Variants in CNPY3 observed in about 807,000 individuals in gnomAD.
CNPY3 encodes protein canopy homolog 3.
CNPY3 carries 20 observed loss-of-function variants against 32.0 expected under a neutral mutation model. The observed-to-expected ratio is 0.63, with a 90% confidence interval of 0.44 to 0.91. CNPY3 has a LOEUF of 0.91. CNPY3 is among the 40% of genes least tolerant of loss of function. The pLI is 0.00. For synonymous variants in CNPY3, 138 were observed against 142.9 expected (o/e 0.97, Z 0.24); for missense variants, 299 against 340.8 (o/e 0.88, Z 0.97).
At chr6:42,937,583 A>G (rs1310300433) in intron 3 of CNPY3, 134 bp from the exon 4 acceptor site, 5 of 633,146 alleles carry the variant, frequency 7.9e-6, no homozygotes, top group African/African-American at 3.8e-5. Flanking sequence ...ACTCCTTCTC[A>G]AAAAAAAAAG....
chr6:42,936,710 G>A (rs548625805), intron 3 of CNPY3, among the ~76,000 whole-genome samples: 23 of 152,126 alleles, frequency 1.5e-4, no homozygotes, highest in Middle Eastern at 6.8e-3. Context: ...TAATTTTTGT[G>A]TTTTTTAGTA....
chr6:42,935,513 A>G (rs1768153382), intron 2 of CNPY3, 61 bp from the exon 3 acceptor site: 2 of 1,569,340 alleles, frequency 1.3e-6, no homozygotes, highest in Non-Finnish European at 1.7e-6. Flanking sequence ...CTGGAGGGAC[A>G]GACCACTAAC....
upstream of CNPY3, chr6:42,929,400 C>A: frequency 1.4e-6 from 1 of 715,508 alleles, no homozygotes; most frequent in Non-Finnish European, 2.2e-6. Context: ...GGCCTTGGTC[C>A]GCTTTGAAGG....
chr6:42,936,117 T>C (rs147760926), intron 3 of CNPY3, among the ~76,000 whole-genome samples: 1 of 152,294 alleles, frequency 6.6e-6, no homozygotes, highest in African/African-American at 2.4e-5. Flanking sequence ...ATGTACTCAG[T>C]ATGTGTACGA....
intron 1 of CNPY3, 63 bp from the exon 2 acceptor site, chr6:42,934,412 T>C (rs1768063402): frequency 4.4e-6 from 7 of 1,602,872 alleles, no homozygotes; most frequent in Non-Finnish European, 6.0e-6. Flanking sequence ...TCTGTTTTGC[T>C]GGGAGCTGGC....
At chr6:42,928,629 C>T (rs763585467), upstream of CNPY3, among the ~76,000 whole-genome samples, 6 of 152,132 alleles carry the variant, frequency 3.9e-5, no homozygotes, top group Non-Finnish European at 8.8e-5. Context: ...TCTCCTTGTG[C>T]CAGGCACCCT....
At chr6:42,937,464 C>T (rs780191309) in intron 3 of CNPY3, among the ~76,000 whole-genome samples, 43 of 152,136 alleles carry the variant, frequency 2.8e-4, no homozygotes, top group African/African-American at 7.9e-4. Context: ...TATGGTGGCA[C>T]GCCTTTGTAG....
intron 3 of CNPY3, 94 bp downstream of exon 3, chr6:42,935,764 C>G: frequency 3.0e-6 from 4 of 1,348,464 alleles, no homozygotes; most frequent in Non-Finnish European, 4.1e-6. Flanking sequence ...AAGATGACCA[C>G]CTGGGATCTT....
chr6:42,934,519 A>G lies in CNPY3; in HGVS notation c.196A>G (p.Thr66Ala), dbSNP rs1364763897. 6.2e-7 allele frequency: 1 copy of G among 1,613,978 alleles called. No homozygotes were observed. Among genetic ancestry groups the G allele is most frequent in the East Asian group, 2.2e-5 (1 of 44,882 alleles). Residue 66 changes from threonine to alanine, a missense_variant, in exon 2 of 6, where the codon ACC (threonine) becomes GCC (alanine). By Grantham distance (58) the Thr-to-Ala change is moderately conservative. Coordinates refer to ENST00000372836, the MANE Select transcript of CNPY3 (RefSeq NM_006586.5). ...AVELKSAFEE[T>A]GKTKEVIGTG... ...GGAGCTGAAGTCAGCCTTTGAGGAA[A>G]CCGGCAAGACCAAGGAGGTGATTGG... is the stretch of plus-strand genomic sequence containing the variant.
At chr6:42,935,164 G>A (rs556987227) in intron 2 of CNPY3, among the ~76,000 whole-genome samples, 19 of 152,162 alleles carry the variant, frequency 1.2e-4, no homozygotes, top group Admixed American at 2.0e-4. Context: ...CACCACACCC[G>A]GCCACAGTGC....
upstream of CNPY3, chr6:42,929,095 C>G (rs1767546934): frequency 6.4e-6 from 1 of 156,876 alleles, no homozygotes; most frequent in African/African-American, 2.4e-5. Flanking sequence ...CATTAGGACC[C>G]CAGGAGGGAA....
chr6:42,939,039 G>C lies in CNPY3; in HGVS notation c.*248G>C. On this transcript the variant is annotated 3_prime_UTR_variant, in exon 6 of 6. Transcript: ENST00000372836. ...GGTTCAGGCAGGCCTTGTGGTTTCA[G>C]GACTGCAAGGACTCCAGTGTGAACT... 1 of 1,288,074 alleles carries C rather than the reference G, an allele frequency of 7.8e-7. No homozygotes were observed. The highest frequency in any genetic ancestry group is 9.8e-7 in the Non-Finnish European group (1 of 1,016,454). The allele number at this position is 1,288,074 out of a possible 1,614,324, so 79.8% of individuals were successfully genotyped here.
chr6:42,933,903 GCT>G (rs1168088430), intron 1 of CNPY3, among the ~76,000 whole-genome samples: 2 of 152,336 alleles, frequency 1.3e-5, no homozygotes, highest in East Asian at 3.9e-4. Flanking sequence ...TGGCGTGGTG[GCT>G]CACGCCTGTA....
At chr6:42,930,988 C>T (rs1390944415) in intron 1 of CNPY3, among the ~76,000 whole-genome samples, 1 of 149,564 alleles carries the variant, frequency 6.7e-6, no homozygotes, top group Non-Finnish European at 1.5e-5. Context: ...CTCCTAGGTT[C>T]AAACGATTTT....
chr6:42,931,946 C>T (rs1767856748), intron 1 of CNPY3, among the ~76,000 whole-genome samples: 1 of 152,118 alleles, frequency 6.6e-6, no homozygotes, highest in Non-Finnish European at 1.5e-5. Context: ...TGGTCTTGAA[C>T]TCCTGACCTC....
At chr6:42,935,487 G>C in intron 2 of CNPY3, 87 bp from the exon 3 acceptor site, 1 of 1,507,114 alleles carries the variant, frequency 6.6e-7, no homozygotes, top group Non-Finnish European at 9.0e-7. Context: ...AGATGTGCAG[G>C]TGTTGGGGCA....
upstream of CNPY3, among the ~76,000 whole-genome samples, chr6:42,928,727 T>C (rs1261837826): frequency 1.3e-5 from 2 of 152,110 alleles, no homozygotes; most frequent in Non-Finnish European, 2.9e-5. Context: ...AAATAAATAA[T>C]AGGGCAGTAA....
chr6:42,931,119 AC>A (rs1767773663), intron 1 of CNPY3, among the ~76,000 whole-genome samples: 1 of 150,890 alleles, frequency 6.6e-6, no homozygotes, highest in African/African-American at 2.4e-5. Flanking sequence ...TGAACTCCTG[AC>A]CTCAAGTGAT....
chr6:42,929,062 A>T (rs2114144135), upstream of CNPY3: 1 of 153,668 alleles, frequency 6.5e-6, no homozygotes, highest in African/African-American at 2.4e-5. Context: ...ATTTAAAAAC[A>T]GATGTTCAGT....
Sources: gnomAD v4.1 joint callset for allele counts (sites outside exome capture counted in the v4.1 genomes callset) on GRCh38, gnomAD v4.1.1 for gene constraint, MANE v1.5 for transcripts, NCBI Gene and HGNC (gene_info 2026-07-23, HGNC 2026-07-21) for gene names.